TPRG1: variants seen among roughly 807,000 people sequenced by gnomAD.
The protein encoded by TPRG1 is tumor protein p63 regulated 1, also known as tumor protein p63-regulated gene 1 protein.
In TPRG1, 29 loss-of-function variants were observed where a neutral mutation model predicts 29.3. The observed-to-expected ratio is 0.99, with a 90% confidence interval of 0.74 to 1.35. The LOEUF (loss-of-function observed/expected upper bound fraction) is 1.35, where lower values mean the gene tolerates loss of function less well. Ranked by LOEUF, TPRG1 falls within the 40% of genes most tolerant of loss-of-function variation. The probability of loss-of-function intolerance (pLI) is 0.00; values close to 1 mark genes in which losing one functional copy is unlikely to be tolerated. For synonymous variants in TPRG1, 130 were observed against 116.8 expected (o/e 1.11, Z -0.73); for missense variants, 327 against 335.0 (o/e 0.98, Z 0.19).
chr3:189,161,897 C>T (rs955126191), intron 5 of TPRG1, among the ~76,000 whole-genome samples: 1 of 152,176 alleles, frequency 6.6e-6, no homozygotes, highest in South Asian at 2.1e-4. Context: ...ATGGAGAGAG[C>T]TTCATGGAGG....
intron 4 of TPRG1, among the ~76,000 whole-genome samples, chr3:189,048,026 A>G (rs1418279065): frequency 6.6e-6 from 1 of 152,246 alleles, no homozygotes; most frequent in African/African-American, 2.4e-5. Context: ...TCTTAATGAC[A>G]TCTAGAATAA....
intron 4 of TPRG1, among the ~76,000 whole-genome samples, chr3:189,258,015 TC>T (rs1173573059): frequency 6.6e-6 from 1 of 152,232 alleles, no homozygotes; most frequent in Non-Finnish European, 1.5e-5. Flanking sequence ...TTAGTCAAAC[TC>T]ATTCTCAGTC....
intron 4 of TPRG1, among the ~76,000 whole-genome samples, chr3:189,076,801 T>C (rs577772034): frequency 4.6e-5 from 7 of 152,042 alleles, no homozygotes; most frequent in Non-Finnish European, 1.0e-4. Flanking sequence ...AAATGACAGA[T>C]GAATACCCAA....
intron 4 of TPRG1, among the ~76,000 whole-genome samples, chr3:189,260,873 G>A (rs550885414): frequency 5.5e-4 from 83 of 152,184 alleles, no homozygotes; most frequent in Non-Finnish European, 1.1e-3. Flanking sequence ...TTGCTTTCTC[G>A]GATCCAAAGG....
chr3:189,060,912 C>A (rs1716061813), intron 4 of TPRG1, among the ~76,000 whole-genome samples: 1 of 152,058 alleles, frequency 6.6e-6, no homozygotes, highest in Admixed American at 6.6e-5. Flanking sequence ...TCAAAGTACC[C>A]ATGACATTCT....
chr3:189,092,442 CTTT>C (rs201972502), intron 4 of TPRG1, among the ~76,000 whole-genome samples: 12,347 of 131,326 alleles, frequency 0.094, 616 homozygotes, highest in African/African-American at 0.16. Context: ...TCTGAAATTT[CTTT>C]TTTTTTTTTT....
At chr3:189,297,426 G>A (rs572080451) in intron 4 of TPRG1, among the ~76,000 whole-genome samples, 9 of 152,108 alleles carry the variant, frequency 5.9e-5, no homozygotes, top group African/African-American at 7.2e-5. Context: ...GCCCATCCCC[G>A]CGGCCTGAGG....
At chr3:189,257,011 G>T (rs2109022756) in intron 4 of TPRG1, among the ~76,000 whole-genome samples, 2 of 152,250 alleles carry the variant, frequency 1.3e-5, no homozygotes, top group East Asian at 3.9e-4. Flanking sequence ...TACATTTAAG[G>T]TTAATATTGT....
At chr3:189,156,895 C>T (rs1478122887) in intron 5 of TPRG1, among the ~76,000 whole-genome samples, 1 of 152,224 alleles carries the variant, frequency 6.6e-6, no homozygotes, top group East Asian at 1.9e-4. Flanking sequence ...TGGTCTGTCA[C>T]TGGGGTCCTC....
At chr3:189,231,717 C>A (rs888799621) in intron 3 of TPRG1, among the ~76,000 whole-genome samples, 10 of 152,100 alleles carry the variant, frequency 6.6e-5, no homozygotes, top group African/African-American at 1.9e-4. Flanking sequence ...CAACCCCAGA[C>A]CTGTGTGATA....
intron 3 of TPRG1, among the ~76,000 whole-genome samples, chr3:189,144,380 C>T (rs140364933): frequency 2.6e-5 from 4 of 152,280 alleles, no homozygotes; most frequent in African/African-American, 9.6e-5. Flanking sequence ...GCCAAATACT[C>T]CTCCAGGTGA....
chr3:189,285,315 C>T (rs1717871611), intron 4 of TPRG1, among the ~76,000 whole-genome samples: 1 of 152,136 alleles, frequency 6.6e-6, no homozygotes, highest in Non-Finnish European at 1.5e-5. Context: ...GTGAATGTTT[C>T]CTGCCAGGCC....
At chr3:189,111,318 T>C (rs1347860908) in intron 1 of TPRG1, among the ~76,000 whole-genome samples, 2 of 152,082 alleles carry the variant, frequency 1.3e-5, no homozygotes, top group African/African-American at 2.4e-5. Context: ...TACATAAATA[T>C]TTCAGGCTTT....
chr3:189,110,214 T>G (rs1263281187), intron 1 of TPRG1, among the ~76,000 whole-genome samples: 1 of 152,222 alleles, frequency 6.6e-6, no homozygotes, highest in African/African-American at 2.4e-5. Flanking sequence ...GCTGTAAGTT[T>G]GCATTCTCAT....
chr3:189,228,821 A>C (rs1312936375), intron 3 of TPRG1, among the ~76,000 whole-genome samples: 2 of 152,190 alleles, frequency 1.3e-5, no homozygotes, highest in Non-Finnish European at 2.9e-5. Flanking sequence ...AAGGAAAAAT[A>C]TTAACTATCT....
chr3:189,281,517 T>C (rs569220059), intron 4 of TPRG1, among the ~76,000 whole-genome samples: 78 of 152,326 alleles, frequency 5.1e-4, no homozygotes, highest in African/African-American at 1.7e-3. Flanking sequence ...CAATCACCCA[T>C]TGAACTATGT....
intron 1 of TPRG1, among the ~76,000 whole-genome samples, chr3:189,108,255 C>T (rs1720058894): frequency 6.6e-6 from 1 of 152,100 alleles, no homozygotes. Flanking sequence ...TTTAGACTGT[C>T]TGGAAGCAAG....
At chr3:189,022,485 C>T (rs910458157) in intron 3 of TPRG1, among the ~76,000 whole-genome samples, 4 of 151,116 alleles carry the variant, frequency 2.6e-5, no homozygotes, top group Non-Finnish European at 5.9e-5. Context: ...GTTGGAGTAC[C>T]CTGCAGTGTG....
chr3:189,124,479 A>T (rs915734405), intron 1 of TPRG1, among the ~76,000 whole-genome samples: 11 of 151,958 alleles, frequency 7.2e-5, no homozygotes, highest in African/African-American at 2.7e-4. Context: ...CCTCAGAAGA[A>T]GGGCTTTCTC....
Sources: gnomAD v4.1 joint callset for allele counts (sites outside exome capture counted in the v4.1 genomes callset) on GRCh38, gnomAD v4.1.1 for gene constraint, MANE v1.5 for transcripts, NCBI Gene and HGNC (gene_info 2026-07-23, HGNC 2026-07-21) for gene names.